The following CBLB variants were observed in gnomAD, a reference collection of about 807,000 sequenced individuals.
CBLB encodes Cbl proto-oncogene B, also known as E3 ubiquitin-protein ligase CBL-B.
CBLB carries 31 observed loss-of-function variants against 104.9 expected under a neutral mutation model. The ratio of observed to expected loss-of-function variants is 0.30; its 90% CI spans 0.22 to 0.40. The LOEUF (loss-of-function observed/expected upper bound fraction) is 0.40, where lower values mean the gene tolerates loss of function less well. CBLB is among the 10% of genes least tolerant of loss of function. The pLI is 1.00. For synonymous variants in CBLB, 440 were observed against 422.6 expected (o/e 1.04, Z -0.51); for missense variants, 1,062 against 1,214.6 (o/e 0.87, Z 1.87).
chr3:105,658,889 A>G lies in CBLB; in HGVS notation c.*81T>C. ...ACGAGGAGGAGACACTTCTCTCTTG[A>G]ATTCCATCTCAGTTCTCTTTATTTC... On this transcript the variant is annotated 3_prime_UTR_variant, in exon 19 of 19. Transcript: ENST00000394030. The G allele has an allele frequency of 6.7e-7, 1 of 1,481,666 alleles. No homozygotes were observed. The highest frequency in any genetic ancestry group is 9.4e-7 in the Non-Finnish European group (1 of 1,064,986). The allele number at this position is 1,481,666 out of a possible 1,614,324, so 91.8% of individuals were successfully genotyped here.
intron 3 of CBLB, among the ~76,000 whole-genome samples, chr3:105,814,744 T>A (rs2084785708): frequency 6.6e-6 from 1 of 152,130 alleles, no homozygotes; most frequent in Admixed American, 6.5e-5. Context: ...TGCTCCAATT[T>A]ATACTCAACA....
Position 105,659,135 on chromosome 3 carries a change from T to C in CBLB, c.2784A>G (p.Ala928=). Reference sequence around the variant, plus strand: ...CAATTTTTGCATCGACATTTTCCAATGCCGCCTCAGGCCCATGGGGTTTTC... The same window carrying C: ...CAATTTTTGCATCGACATTTTCCAACGCCGCCTCAGGCCCATGGGGTTTTC... ...HHRKPHGPEA[A]LENVDAKIAK... The change falls in exon 19 of 19, where the codon GCA becomes GCG. Residue 928 remains alanine (A), a synonymous_variant. Coordinates refer to ENST00000394030, the MANE Select transcript of CBLB (RefSeq NM_170662.5). 6.2e-7 allele frequency: 1 copy of C among 1,614,034 alleles called. No individual in the cohort carries two copies. Among genetic ancestry groups the C allele is most frequent in the South Asian group, 1.1e-5 (1 of 91,086 alleles).
intron 2 of CBLB, among the ~76,000 whole-genome samples, chr3:105,858,247 G>A (rs2091797781): frequency 6.6e-6 from 1 of 152,140 alleles, no homozygotes; most frequent in African/African-American, 2.4e-5. Context: ...TAAACCCTGT[G>A]ATTTATGACA....
chr3:105,850,037 C>G (rs2090752549), intron 3 of CBLB, among the ~76,000 whole-genome samples: 1 of 151,958 alleles, frequency 6.6e-6, no homozygotes. Flanking sequence ...TCTTGTTATT[C>G]CTGGAGAATT....
intron 3 of CBLB, among the ~76,000 whole-genome samples, chr3:105,795,095 G>A (rs574636911): frequency 1.3e-5 from 2 of 152,042 alleles, no homozygotes; most frequent in East Asian, 3.9e-4. Flanking sequence ...TTGTATTTTA[G>A]TAGAGACAGG....
At chr3:105,841,002 A>T (rs530286435) in intron 3 of CBLB, among the ~76,000 whole-genome samples, 86 of 152,292 alleles carry the variant, frequency 5.6e-4, no homozygotes, top group African/African-American at 2.0e-3. Flanking sequence ...AAACAAGAAT[A>T]AAAAATGTAG....
In CBLB at chr3:105,655,973, G is replaced by C. The variant is rs2063314589; in HGVS notation, c.*2997C>G. 1 of 228,278 alleles carries C rather than the reference G, an allele frequency of 4.4e-6. No individual in the cohort carries two copies. The highest frequency in any genetic ancestry group is 8.7e-6 in the Non-Finnish European group (1 of 114,958). The allele number at this position is 228,278 out of a possible 1,614,324, so 14.1% of individuals were successfully genotyped here. A position where few individuals can be genotyped will look rare whatever the true frequency, so the allele number is the denominator to read the frequency against. On this transcript the variant is annotated 3_prime_UTR_variant, in exon 19 of 19. Transcript: ENST00000394030. ...AAATGGGACCCTTTTAAGTTGCAGT[G>C]AGGGTTCTATTATGAAGACTATTTG...
intron 10 of CBLB, among the ~76,000 whole-genome samples, chr3:105,707,453 A>T (rs1160413788): frequency 1.4e-5 from 2 of 143,952 alleles, no homozygotes; most frequent in East Asian, 4.1e-4. Context: ...CCTAAATTAG[A>T]GTAAAATTCC....
intron 12 of CBLB, among the ~76,000 whole-genome samples, chr3:105,700,527 A>G (rs997688392): frequency 6.6e-6 from 1 of 152,052 alleles, no homozygotes; most frequent in Non-Finnish European, 1.5e-5. Flanking sequence ...CCTTCCAATC[A>G]GCATTCTAGG....
At chr3:105,727,849 T>C (rs986233983) in intron 9 of CBLB, among the ~76,000 whole-genome samples, 3 of 152,132 alleles carry the variant, frequency 2.0e-5, no homozygotes, top group Admixed American at 6.5e-5. Flanking sequence ...GATCAGATGG[T>C]TGTAGATGTG....
At chr3:105,713,336 G>A (rs2071379245) in intron 10 of CBLB, among the ~76,000 whole-genome samples, 1 of 151,352 alleles carries the variant, frequency 6.6e-6, no homozygotes, top group African/African-American at 2.4e-5. Flanking sequence ...TTCACTCCAA[G>A]AGGGCAGCTC....
chr3:105,784,754 T>C (rs1016156862), intron 3 of CBLB, among the ~76,000 whole-genome samples: 1 of 152,210 alleles, frequency 6.6e-6, no homozygotes, highest in African/African-American at 2.4e-5. Flanking sequence ...TTTATCACTT[T>C]TGACAAATCA....
intron 12 of CBLB, among the ~76,000 whole-genome samples, chr3:105,700,111 T>C (rs1372974802): frequency 6.6e-6 from 1 of 152,116 alleles, no homozygotes; most frequent in Non-Finnish European, 1.5e-5. Context: ...AAAGGAATGT[T>C]TTTATAACTG....
chr3:105,760,803 A>T (rs1299539565), intron 4 of CBLB, among the ~76,000 whole-genome samples: 1 of 152,222 alleles, frequency 6.6e-6, no homozygotes, highest in Non-Finnish European at 1.5e-5. Context: ...TGTTGTGCAT[A>T]ATTAAATCCA....
intron 9 of CBLB, among the ~76,000 whole-genome samples, chr3:105,722,193 C>T (rs1315226852): frequency 1.3e-5 from 1 of 76,584 alleles, no homozygotes; most frequent in African/African-American, 5.2e-5. Context: ...GGTAAGACCC[C>T]GTGCCAAAAA....
chr3:105,734,211 C>T (rs2152860586), intron 8 of CBLB, 71 bp from the exon 9 acceptor site: 1 of 1,519,114 alleles, frequency 6.6e-7, no homozygotes. Flanking sequence ...ATCAAATTTT[C>T]CCAAATAAAA....
chr3:105,713,696 G>A (rs942220451), intron 10 of CBLB, among the ~76,000 whole-genome samples: 7 of 152,126 alleles, frequency 4.6e-5, no homozygotes, highest in African/African-American at 1.2e-4. Context: ...TATTTTGCAC[G>A]AAGAGCTTTT....
At chr3:105,844,061 G>T (rs1408300186) in intron 3 of CBLB, among the ~76,000 whole-genome samples, 2 of 152,230 alleles carry the variant, frequency 1.3e-5, no homozygotes, top group African/African-American at 2.4e-5. Flanking sequence ...TGGTGTTTTT[G>T]TAAGAGGGAA....
At chr3:105,665,576 A>G (rs1416769144) in intron 18 of CBLB, among the ~76,000 whole-genome samples, 5 of 147,374 alleles carry the variant, frequency 3.4e-5, no homozygotes, top group Non-Finnish European at 6.0e-5. Flanking sequence ...ACCATATTAT[A>G]TAACCATATA....
Sources: allele counts gnomAD v4.1 joint callset (sites outside exome capture counted in the v4.1 genomes callset), GRCh38; gene constraint gnomAD v4.1.1; transcripts MANE v1.5; gene names NCBI Gene and HGNC (gene_info 2026-07-23, HGNC 2026-07-21).